Variants in PCDH9 observed in about 807,000 individuals in gnomAD.
The protein encoded by PCDH9 is protocadherin-9.
Under a neutral mutation model 70.6 loss-of-function variants are expected in PCDH9, and 24 were observed. The observed-to-expected ratio is 0.34, with a 90% confidence interval of 0.25 to 0.48. PCDH9 has a LOEUF of 0.48. Among genes scored for constraint, PCDH9 ranks in the 20% least tolerant of loss-of-function variants. The pLI is 0.99. For synonymous variants in PCDH9, 562 were observed against 558.5 expected, an observed-to-expected ratio of 1.01 and a Z score of -0.09; for missense variants, 1,281 against 1,503.6, an observed-to-expected ratio of 0.85 and a Z score of 2.45.
intron 2 of PCDH9, among the ~76,000 whole-genome samples, chr13:66,936,074 ACT>A (rs1361734132): frequency 1.3e-5 from 2 of 152,158 alleles, no homozygotes; most frequent in Non-Finnish European, 2.9e-5. Context: ...ACAGAGCGAG[ACT>A]CTGTCTCAAA....
intron 3 of PCDH9, among the ~76,000 whole-genome samples, chr13:66,861,400 A>G (rs1339113655): frequency 6.6e-6 from 1 of 152,180 alleles, no homozygotes. Context: ...GAAAACAGAG[A>G]AATATTTTGT....
At chr13:67,157,291 A>G (rs1456476736) in intron 2 of PCDH9, among the ~76,000 whole-genome samples, 4 of 152,286 alleles carry the variant, frequency 2.6e-5, no homozygotes, top group South Asian at 2.1e-4. Context: ...GATTTATGTA[A>G]TTTAAAAATC....
intron 2 of PCDH9, among the ~76,000 whole-genome samples, chr13:67,180,324 G>A (rs890362404): frequency 2.0e-5 from 3 of 151,868 alleles, no homozygotes; most frequent in African/African-American, 4.8e-5. Context: ...TGTCGCTAGC[G>A]CCAATTTTGA....
intron 4 of PCDH9, among the ~76,000 whole-genome samples, chr13:66,376,177 T>C (rs1246748545): frequency 6.6e-6 from 1 of 152,092 alleles, no homozygotes; most frequent in African/African-American, 2.4e-5. Context: ...TTAACCCATA[T>C]CATAATACAG....
At chr13:66,312,580 T>A (rs1319977368) in intron 4 of PCDH9, among the ~76,000 whole-genome samples, 1 of 149,322 alleles carries the variant, frequency 6.7e-6, no homozygotes, top group Non-Finnish European at 1.5e-5. Context: ...CACTGCACTC[T>A]AGCCTGGGAG....
rs111497290 is a variant in PCDH9 at position 66,396,795 on chromosome 13, G to A, written c.3341-91767C>T. Among the ~76,000 whole-genome samples, 1,266 of 152,118 alleles carry A rather than the reference G, an allele frequency of 8.3e-3. 15 individuals are homozygous for A. Among genetic ancestry groups the A allele is most frequent in the African/African-American group, 0.029 (1,199 of 41,484 alleles). Reference sequence around the variant, plus strand: ...ATGAAAATGCCCATCATGAGGCTTGGGACATAAAAGCTTTCAGTTGAGTAC... The same window carrying A: ...ATGAAAATGCCCATCATGAGGCTTGAGACATAAAAGCTTTCAGTTGAGTAC... On this transcript the variant is annotated intron_variant, in intron 4 of 4. Transcript: ENST00000377865.
At position 66,729,705 on chromosome 13, in the gene PCDH9, T is replaced by G. The variant is rs1887339709; in HGVS notation, c.3139-98294A>C. Reference sequence around the variant, plus strand: ...CTCCTTCTGTGTGAGAAAACTCTTTTGACCATCTACTAGGCCAATTTTGCC... The same window carrying G: ...CTCCTTCTGTGTGAGAAAACTCTTTGGACCATCTACTAGGCCAATTTTGCC... On this transcript the variant is annotated intron_variant, in intron 3 of 4. Coordinates refer to ENST00000377865, the MANE Select transcript of PCDH9 (RefSeq NM_203487.3). Among the ~76,000 whole-genome samples the G allele has an allele frequency of 3.3e-5, 5 of 152,174 alleles. No homozygotes were observed. In the South Asian group the frequency reaches 1.0e-3, roughly 31 times the overall value.
chr13:66,878,431 T>C (rs2081859345), intron 3 of PCDH9, among the ~76,000 whole-genome samples: 1 of 152,086 alleles, frequency 6.6e-6, no homozygotes, highest in Non-Finnish European at 1.5e-5. Flanking sequence ...TTCACCTCGT[T>C]GGCCAGGCTA....
At chr13:67,061,647 T>C (rs568413461) in intron 2 of PCDH9, among the ~76,000 whole-genome samples, 8 of 152,110 alleles carry the variant, frequency 5.3e-5, no homozygotes, top group Non-Finnish European at 1.2e-4. Flanking sequence ...GAAACCCAAA[T>C]CAATTAACTT....
At chr13:66,437,235 G>A (rs1169125422) in intron 4 of PCDH9, among the ~76,000 whole-genome samples, 1 of 151,222 alleles carries the variant, frequency 6.6e-6, no homozygotes, top group Non-Finnish European at 1.5e-5. Flanking sequence ...GTGAAACCCC[G>A]TCTCTACTAA....
At chr13:66,892,175 TTG>T (rs1321468949) in intron 3 of PCDH9, among the ~76,000 whole-genome samples, 4 of 149,644 alleles carry the variant, frequency 2.7e-5, no homozygotes, top group Non-Finnish European at 4.5e-5. Flanking sequence ...ATACTCCTCA[TTG>T]TGTGTGTGTA....
chr13:67,046,969 T>C (rs2085233671), intron 2 of PCDH9, among the ~76,000 whole-genome samples: 1 of 152,194 alleles, frequency 6.6e-6, no homozygotes, highest in African/African-American at 2.4e-5. Context: ...CTAGAAAATA[T>C]TCCGATAGAA....
intron 3 of PCDH9, among the ~76,000 whole-genome samples, chr13:66,767,191 CA>C (rs761079753): frequency 1.1e-4 from 16 of 151,962 alleles, no homozygotes; most frequent in Non-Finnish European, 2.4e-4. Context: ...CTGAAACACA[CA>C]ATGACAGTGA....
chr13:66,844,217 C>A (rs549956861), intron 3 of PCDH9, among the ~76,000 whole-genome samples: 1 of 152,034 alleles, frequency 6.6e-6, no homozygotes, highest in South Asian at 2.1e-4. Context: ...AGATTAGTTT[C>A]TAGCATGAAT....
chr13:66,841,619 A>G (rs2081117502), intron 3 of PCDH9, among the ~76,000 whole-genome samples: 1 of 152,198 alleles, frequency 6.6e-6, no homozygotes, highest in African/African-American at 2.4e-5. Context: ...TCTGATCTAT[A>G]ACCCATTCCA....
At chr13:67,040,303 C>T (rs920765972) in intron 2 of PCDH9, among the ~76,000 whole-genome samples, 2 of 152,112 alleles carry the variant, frequency 1.3e-5, no homozygotes, top group Non-Finnish European at 2.9e-5. Flanking sequence ...CATGGGATTA[C>T]TGCCTTTATA....
intron 4 of PCDH9, among the ~76,000 whole-genome samples, chr13:66,551,087 C>T (rs1961465879): frequency 6.6e-6 from 1 of 152,102 alleles, no homozygotes. Flanking sequence ...TTTTTAATTT[C>T]TCATTTTCTA....
At chr13:67,075,415 A>T (rs2085859062) in intron 2 of PCDH9, among the ~76,000 whole-genome samples, 1 of 152,104 alleles carries the variant, frequency 6.6e-6, no homozygotes, top group Non-Finnish European at 1.5e-5. Flanking sequence ...GTTTCTTATT[A>T]ATGCTCACTA....
chr13:67,101,097 T>C (rs1466775041), intron 2 of PCDH9, among the ~76,000 whole-genome samples: 1 of 152,180 alleles, frequency 6.6e-6, no homozygotes, highest in Admixed American at 6.5e-5. Flanking sequence ...CTCAGAGCCA[T>C]GCAGCTCCTC....
Sources: gnomAD v4.1 joint callset for allele counts (sites outside exome capture counted in the v4.1 genomes callset) on GRCh38, gnomAD v4.1.1 for gene constraint, MANE v1.5 for transcripts, NCBI Gene and HGNC (gene_info 2026-07-23, HGNC 2026-07-21) for gene names.